KBTBD11: variants seen among roughly 807,000 people sequenced by gnomAD.
The protein encoded by KBTBD11 is kelch repeat and BTB domain containing 11.
For synonymous variants in KBTBD11, 747 were observed against 499.0 expected (o/e 1.50, Z -6.63); for missense variants, 1,390 against 1,001.8 (o/e 1.39, Z -5.23).
At chr8:1,974,569 G>A (rs1388762758) in intron 1 of KBTBD11, 5 of 985,068 alleles carry the variant, frequency 5.1e-6, no homozygotes, top group Non-Finnish European at 6.0e-6. Flanking sequence ...GGGTGTCCTG[G>A]CTGCTGACCC....
At chr8:1,979,273 T>A (rs531025855) in intron 1 of KBTBD11, among the ~76,000 whole-genome samples, 1 of 152,238 alleles carries the variant, frequency 6.6e-6, no homozygotes. Flanking sequence ...GGCCCACCCA[T>A]ATTGTGAATA....
Position 2,001,259 on chromosome 8 carries a change from G to A in KBTBD11, c.67G>A (p.Glu23Lys). 1 of 1,512,274 alleles carries A rather than the reference G, an allele frequency of 6.6e-7. No homozygotes were observed. Among genetic ancestry groups the A allele is most frequent in the South Asian group, 1.2e-5 (1 of 80,792 alleles). 93.7% of individuals were successfully genotyped at this position (1,512,274 alleles called of 1,614,324 possible). Residue 23 changes from glutamate to lysine, a missense_variant, in exon 2 of 2, where the codon GAG (glutamate) becomes AAG (lysine). Coordinates refer to ENST00000320248, the MANE Select transcript of KBTBD11 (RefSeq NM_014867.3). Reference sequence around the variant, plus strand: ...TGAGCCCGGGGCTGCCGGGGAGAGCGAGAGCGAGGGCGCCGCGTCCCCGGC... The same window carrying A: ...TGAGCCCGGGGCTGCCGGGGAGAGCAAGAGCGAGGGCGCCGCGTCCCCGGC... Reference protein sequence around the residue: ...GTEPGAAGESESEGAASPAQT... With the variant: ...GTEPGAAGESKSEGAASPAQT...
At chr8:1,982,086 AG>A (rs1339917096) in intron 1 of KBTBD11, among the ~76,000 whole-genome samples, 1 of 152,240 alleles carries the variant, frequency 6.6e-6, no homozygotes, top group African/African-American at 2.4e-5. Flanking sequence ...CAGCACAAAA[AG>A]CTGTCATTTG....
rs1817397241 is a variant in KBTBD11 at position 2,002,116 on chromosome 8, G to A, written c.924G>A (p.Ala308=). ...CGCTCGGGCCGGCGGGGGAGCGCGC[G>A]GGCAGCCGGCCTCAGAGCCCCTCGG... The part of the protein sequence containing the change: ...AAALGPAGER[A]GSRPQSPSGD... Residue 308 remains alanine, a synonymous_variant, in exon 2 of 2, where the codon GCG becomes GCA. Transcript: ENST00000320248. This position sits in a 1 kb window ranked among gnomAD's most constrained non-coding sequence, Gnocchi z 4.1. 9.1e-7 allele frequency: 1 copy of A among 1,104,480 alleles called. No homozygotes were observed. 68.4% of individuals were successfully genotyped at this position (1,104,480 alleles called of 1,614,324 possible).
chr8:1,996,684 T>C (rs904220663), intron 1 of KBTBD11, among the ~76,000 whole-genome samples: 2 of 152,222 alleles, frequency 1.3e-5, no homozygotes, highest in African/African-American at 2.4e-5. Context: ...AGACTCTTTT[T>C]AGCAAGCAGT....
chr8:1,984,055 G>A (rs527388309), intron 1 of KBTBD11, among the ~76,000 whole-genome samples: 1 of 152,180 alleles, frequency 6.6e-6, no homozygotes, highest in East Asian at 1.9e-4. Context: ...ACTTGAACCT[G>A]GGTGGTAGAG....
rs902724298 is a variant in KBTBD11 at position 2,002,323 on chromosome 8, C to A, written c.1131C>A (p.Arg377=). 52 of 1,397,362 alleles carry A rather than the reference C, an allele frequency of 3.7e-5. 1 individual carries two copies. In the African/African-American group the frequency reaches 7.2e-4, roughly 19 times the overall value. 86.6% of individuals were successfully genotyped at this position (1,397,362 alleles called of 1,614,324 possible). Residue 377 remains arginine (R), a synonymous_variant, in exon 2 of 2, where the codon CGC becomes CGA. Coordinates refer to ENST00000320248, the MANE Select transcript of KBTBD11 (RefSeq NM_014867.3). This position sits in a 1 kb window ranked among gnomAD's most constrained non-coding sequence, Gnocchi z 4.1. ...CCGCGGGCCCCGACGGCCGCGCGCG[C>A]CCGTCCGACCAGGTCTTCTGCTACA... ...VAPAGPDGRA[R]PSDQVFCYNP...
intron 1 of KBTBD11, chr8:1,974,346 G>C: frequency 1.0e-6 from 1 of 984,626 alleles, no homozygotes; most frequent in Non-Finnish European, 1.2e-6. Context: ...CCCCCGCCGA[G>C]GGTCCCGCCG....
At chr8:1,989,789 C>T (rs1385702902) in intron 1 of KBTBD11, among the ~76,000 whole-genome samples, 9 of 152,156 alleles carry the variant, frequency 5.9e-5, no homozygotes, top group Non-Finnish European at 1.2e-4. Context: ...AGCAGGCATC[C>T]TCATGGGGTG....
rs1462851561 is a variant in KBTBD11 at position 2,002,557 on chromosome 8, C to A, written c.1365C>A (p.Cys455Ter). Residue 455 changes from cysteine (C) to a stop codon, truncating the protein, a stop_gained, in exon 2 of 2, where the codon TGC becomes TGA. Transcript: ENST00000320248. LOFTEE classifies it low-confidence loss of function (END_TRUNC). This position sits in a 1 kb window ranked among gnomAD's most constrained non-coding sequence, Gnocchi z 4.1. ...CCGTGGCGCATGAGGCCACCACCTG[C>A]CACGGCGAGATCTACGTGTCCGGGG... Reference protein sequence around the residue: ...AFAVAHEATTCHGEIYVSGGS... With the variant: ...AFAVAHEATT 6.3e-7 allele frequency: 1 copy of A among 1,575,496 alleles called. No homozygotes were observed. The highest frequency in any genetic ancestry group is 8.5e-7 in the Non-Finnish European group (1 of 1,170,406).
intron 1 of KBTBD11, among the ~76,000 whole-genome samples, chr8:1,986,951 C>T (rs988678337): frequency 7.3e-6 from 1 of 137,648 alleles, no homozygotes; most frequent in African/African-American, 2.8e-5. Flanking sequence ...TGCAGGAGGA[C>T]CAGGGGAGCC....
rs1013909507 is a variant in KBTBD11 at position 2,006,936 on chromosome 8, C to G, written c.*3872C>G. On this transcript the variant is annotated 3_prime_UTR_variant, in exon 2 of 2. Transcript: ENST00000320248. ...AATAAATCACGCAGAAAGTGCCAGT[C>G]CTCCTGATGTGCCCCGAGTGCTTTT... 1.8e-5 allele frequency: 3 copies of G among 164,450 alleles called. No individual in the cohort carries two copies. Among genetic ancestry groups the G allele is most frequent in the Non-Finnish European group, 4.4e-5 (3 of 68,124 alleles). The allele number at this position is 164,450 out of a possible 1,614,324, so 10.2% of individuals were successfully genotyped here.
Position 2,001,151 on chromosome 8 carries a change from C to T in KBTBD11, c.-42C>T. ...CGACCTTGGCCAGACCTGCAGGCTG[C>T]GGAACCGGGGGCGCGCGGGCGCAGC... On this transcript the variant is annotated 5_prime_UTR_variant, in exon 2 of 2. Transcript: ENST00000320248. The T allele has an allele frequency of 1.5e-6, 2 of 1,294,672 alleles. No individual in the cohort carries two copies. Among genetic ancestry groups the T allele is most frequent in the East Asian group, 6.3e-5 (2 of 31,888 alleles). 80.2% of individuals were successfully genotyped at this position (1,294,672 alleles called of 1,614,324 possible).
chr8:2,001,201 C>G lies in KBTBD11; in HGVS notation c.9C>G (p.His3Gln). 6 of 1,368,692 alleles carry G rather than the reference C, an allele frequency of 4.4e-6. No individual in the cohort carries two copies. The highest frequency in any genetic ancestry group is 5.7e-6 in the Non-Finnish European group (6 of 1,058,642). The allele number at this position is 1,368,692 out of a possible 1,614,324, so 84.8% of individuals were successfully genotyped here. Residue 3 changes from histidine to glutamine, a missense_variant, in exon 2 of 2, where the codon CAC becomes CAG. Transcript: ENST00000320248. Reference sequence around the variant, plus strand: ...CGCAGCACAGCCCGGCCATGGAGCACGCGGTGGCCCCCTGCGTCCTCTACC... The same window carrying G: ...CGCAGCACAGCCCGGCCATGGAGCAGGCGGTGGCCCCCTGCGTCCTCTACC... ME[H>Q]AVAPCVLYPG...
chr8:1,985,199 G>A (rs1034640248), intron 1 of KBTBD11, among the ~76,000 whole-genome samples: 1 of 152,222 alleles, frequency 6.6e-6, no homozygotes, highest in Admixed American at 6.5e-5. Flanking sequence ...GCAGGAGAAG[G>A]CAGAGCTCTT....
intron 1 of KBTBD11, chr8:1,976,406 A>G (rs1816346003): frequency 6.6e-6 from 1 of 152,186 alleles, no homozygotes; most frequent in African/African-American, 2.4e-5. Context: ...TAAAGCATCT[A>G]GTTTACTTTT....
intron 1 of KBTBD11, among the ~76,000 whole-genome samples, chr8:1,996,089 G>A (rs1817125978): frequency 1.3e-5 from 2 of 152,178 alleles, no homozygotes; most frequent in Admixed American, 1.3e-4. Context: ...ATTTTTCTTA[G>A]ACTTATGGCC....
chr8:1,996,236 G>T (rs1817132386), intron 1 of KBTBD11, among the ~76,000 whole-genome samples: 1 of 152,198 alleles, frequency 6.6e-6, no homozygotes, highest in Non-Finnish European at 1.5e-5. Context: ...ACAGGGTGTG[G>T]TGGGATATAG....
At chr8:1,974,955 A>G (rs1365343224) in intron 1 of KBTBD11, 1 of 153,926 alleles carries the variant, frequency 6.5e-6, no homozygotes, top group East Asian at 1.9e-4. Flanking sequence ...AGTTCGCCCG[A>G]TTCCCCGCGG....
Sources: gnomAD v4.1 joint callset for allele counts (sites outside exome capture counted in the v4.1 genomes callset) on GRCh38, gnomAD v4.1.1 for gene constraint, Gnocchi (gnomAD v3.1) non-coding constraint, MANE v1.5 for transcripts, NCBI Gene and HGNC (gene_info 2026-07-23, HGNC 2026-07-21) for gene names.